Variants in MAOB observed in about 807,000 individuals in gnomAD.
The protein encoded by MAOB is monoamine oxidase B.
A neutral mutation model predicts 41.9 loss-of-function variants in MAOB; 15 were observed. The observed-to-expected ratio is 0.36, with a 90% CI of 0.24 to 0.55. The LOEUF (loss-of-function observed/expected upper bound fraction) is 0.55, where lower values mean the gene tolerates loss of function less well. Among genes scored for constraint, MAOB ranks in the 20% least tolerant of loss-of-function variants. The probability of loss-of-function intolerance (pLI) is 0.86; values close to 1 mark genes in which losing one functional copy is unlikely to be tolerated. For missense variants in MAOB, 345 were observed against 398.7 expected, an observed-to-expected ratio of 0.87 and a Z score of 1.15; for synonymous variants, 167 against 144.2, an observed-to-expected ratio of 1.16 and a Z score of -1.13.
chrX:43,856,889 C>T (rs1483824486), intron 1 of MAOB, among the ~76,000 whole-genome samples: 1 of 106,137 alleles, frequency 9.4e-6, no homozygotes, highest in Admixed American at 1.0e-4. Flanking sequence ...CAGTTCAAGC[C>T]TGTATTGTTC....
At chrX:43,859,178 C>T (rs984479110) in intron 1 of MAOB, among the ~76,000 whole-genome samples, 1 of 111,155 alleles carries the variant, frequency 9.0e-6, no homozygotes, top group Admixed American at 9.6e-5. Context: ...TGGCTGAGAT[C>T]TAGTTTCCCC....
intron 8 of MAOB, among the ~76,000 whole-genome samples, chrX:43,787,698 T>G (rs906295622): frequency 1.8e-5 from 2 of 110,438 alleles, no homozygotes; most frequent in African/African-American, 6.8e-5. Context: ...GCAAAAATGT[T>G]TAGAACGCAG....
At chrX:43,868,998 T>G (rs980832014) in intron 1 of MAOB, among the ~76,000 whole-genome samples, 4 of 111,304 alleles carry the variant, frequency 3.6e-5, no homozygotes, top group Non-Finnish European at 7.5e-5. Context: ...TAGAATGGCA[T>G]GTTGCCGGCA....
intron 2 of MAOB, among the ~76,000 whole-genome samples, chrX:43,840,988 C>T (rs1453945935): frequency 9.3e-6 from 1 of 107,968 alleles, no homozygotes; most frequent in East Asian, 2.9e-4. Context: ...AGCCAGGGAG[C>T]CAAGTGATCT....
At chrX:43,795,947 C>T in intron 6 of MAOB, 59 bp from the exon 7 acceptor site, 3 of 1,112,011 alleles carry the variant, frequency 2.7e-6, no homozygotes, top group Admixed American at 2.4e-5. Context: ...TTGCTAAATT[C>T]TTAGTTGTCC....
intron 1 of MAOB, among the ~76,000 whole-genome samples, chrX:43,858,869 G>A (rs1383027019): frequency 8.9e-6 from 1 of 111,852 alleles, no homozygotes. Flanking sequence ...AACGCAGCTC[G>A]TGGTTTGATA....
intron 3 of MAOB, among the ~76,000 whole-genome samples, chrX:43,832,079 G>A (rs2147158358): frequency 8.9e-6 from 1 of 111,900 alleles, no homozygotes; most frequent in South Asian, 3.7e-4. Context: ...TTTATCACTT[G>A]GTGATATTCT....
intron 1 of MAOB, among the ~76,000 whole-genome samples, chrX:43,880,368 C>T (rs1360276058): frequency 8.9e-6 from 1 of 112,223 alleles, no homozygotes; most frequent in Non-Finnish European, 1.9e-5. Flanking sequence ...TACACAGCCT[C>T]CCTCAATTCC....
intron 3 of MAOB, among the ~76,000 whole-genome samples, chrX:43,834,118 G>T (rs767085712): frequency 7.1e-5 from 8 of 112,260 alleles, no homozygotes; most frequent in African/African-American, 2.6e-4. Flanking sequence ...GGAAGTGGTA[G>T]AAAAGGTTCA....
intron 1 of MAOB, among the ~76,000 whole-genome samples, chrX:43,877,626 A>G (rs983844153): frequency 1.8e-5 from 2 of 112,064 alleles, no homozygotes; most frequent in African/African-American, 6.5e-5. Flanking sequence ...CTTCTATTGT[A>G]GTTAAGACAG....
chrX:43,841,815 A>C (rs886916424), intron 2 of MAOB, among the ~76,000 whole-genome samples: 1 of 112,164 alleles, frequency 8.9e-6, no homozygotes, highest in Non-Finnish European at 1.9e-5. Flanking sequence ...GGGAAAGGAC[A>C]GTCTATTCAA....
intron 9 of MAOB, 25 bp from the exon 10 acceptor site, chrX:43,780,420 G>C: frequency 8.9e-7 from 1 of 1,124,741 alleles, no homozygotes. Context: ...CAAGAAAAAG[G>C]GGAGAAATTA....
At chrX:43,814,228 G>A (rs1020801688) in intron 3 of MAOB, among the ~76,000 whole-genome samples, 8 of 110,880 alleles carry the variant, frequency 7.2e-5, no homozygotes, top group Non-Finnish European at 1.1e-4. Context: ...CCTGTGCCTG[G>A]TTCTCAAAGC....
chrX:43,767,861 G>A (rs185707201), intron 14 of MAOB, among the ~76,000 whole-genome samples: 12 of 111,826 alleles, frequency 1.1e-4, no homozygotes, highest in African/African-American at 3.2e-4. Flanking sequence ...TTTTTTCTCA[G>A]CATGTCTTCT....
chrX:43,790,039 G>A (rs1247792754), intron 8 of MAOB, among the ~76,000 whole-genome samples: 18 of 111,845 alleles, frequency 1.6e-4, no homozygotes, highest in Non-Finnish European at 3.4e-4. Flanking sequence ...CTGAACTTGT[G>A]AAACAAAACA....
intron 8 of MAOB, among the ~76,000 whole-genome samples, chrX:43,783,945 C>T (rs1311545330): frequency 8.9e-6 from 1 of 112,179 alleles, no homozygotes; most frequent in Non-Finnish European, 1.9e-5. Context: ...GTCATTTCAA[C>T]AATGTTCACA....
At chrX:43,825,983 G>T (rs1003454500) in intron 3 of MAOB, among the ~76,000 whole-genome samples, 1 of 111,946 alleles carries the variant, frequency 8.9e-6, no homozygotes, top group African/African-American at 3.2e-5. Context: ...GCCTGTTACT[G>T]CAAGTGAAAA....
At chrX:43,860,403 C>T (rs1021117826) in intron 1 of MAOB, among the ~76,000 whole-genome samples, 7 of 111,417 alleles carry the variant, frequency 6.3e-5, no homozygotes, top group Admixed American at 9.6e-5. Context: ...AATAATGTTA[C>T]CACAATTCAC....
At chrX:43,879,219 A>G (rs1323664306) in intron 1 of MAOB, among the ~76,000 whole-genome samples, 1 of 112,102 alleles carries the variant, frequency 8.9e-6, no homozygotes, top group Non-Finnish European at 1.9e-5. Context: ...CTAAAAAGTT[A>G]GTCTACAACT....
Sources: gnomAD v4.1 joint callset for allele counts (sites outside exome capture counted in the v4.1 genomes callset) on GRCh38, gnomAD v4.1.1 for gene constraint, MANE v1.5 for transcripts, NCBI Gene and HGNC (gene_info 2026-07-23, HGNC 2026-07-21) for gene names.